Variants in NCOA2 observed in about 807,000 individuals in gnomAD.
NCOA2 encodes nuclear receptor coactivator 2.
A neutral mutation model predicts 145.1 loss-of-function variants in NCOA2; 21 were observed. The observed-to-expected ratio is 0.14, with a 90% CI of 0.10 to 0.21. The LOEUF (loss-of-function observed/expected upper bound fraction) is 0.21, where lower values mean the gene tolerates loss of function less well. Ranked by LOEUF, NCOA2 falls within the 10% of genes least tolerant of loss-of-function variation. The pLI is 1.00. For missense variants in NCOA2, 1,472 were observed against 1,837.6 expected, an observed-to-expected ratio of 0.80 and a Z score of 3.64; for synonymous variants, 619 against 637.5, an observed-to-expected ratio of 0.97 and a Z score of 0.44.
chr8:70,251,997 A>G (rs921640452), intron 2 of NCOA2, among the ~76,000 whole-genome samples: 2 of 152,240 alleles, frequency 1.3e-5, no homozygotes, highest in Non-Finnish European at 2.9e-5. Flanking sequence ...CTTATAACCT[A>G]CACACAGACT....
intron 1 of NCOA2, among the ~76,000 whole-genome samples, chr8:70,378,953 G>A (rs796152943): frequency 4.6e-5 from 7 of 152,132 alleles, no homozygotes; most frequent in African/African-American, 1.7e-4. Context: ...CTCCTAAGGG[G>A]CATGGCTGGG....
rs186689395 is a variant in NCOA2, at chr8:70,242,912, A to G, written c.-19-26148T>C. Among the ~76,000 whole-genome samples the G allele has an allele frequency of 3.9e-5, 6 of 152,174 alleles. No individual in the cohort carries two copies. The East Asian group carries it at 7.7e-4, about 20-fold the overall frequency. On this transcript the variant is annotated intron_variant, in intron 2 of 22. Coordinates refer to ENST00000452400, the MANE Select transcript of NCOA2 (RefSeq NM_006540.4). ...CCTGACAAGATCAGACCCGATTATA[A>G]TATTTGTGGTTAATTACTGTGGTTG... is the stretch of plus-strand genomic sequence containing the variant.
In NCOA2 at chr8:70,156,502, C is replaced by T; in HGVS notation, c.1863G>A (p.Val621=). ...TCTGCCCGTCAGCTCTCTCACTGCT[C>T]ACGGCCGGGGGCAGGTTGGGGTCAT... is the stretch of plus-strand genomic sequence containing the variant. ...ETNDPNLPPA[V]SSERADGQSR... is the part of the protein sequence containing the mutation. Residue 621 remains valine, a synonymous_variant, in exon 11 of 23, where the codon GTG becomes GTA. Coordinates refer to ENST00000452400, the MANE Select transcript of NCOA2 (RefSeq NM_006540.4). The T allele has an allele frequency of 6.2e-7, 1 of 1,613,894 alleles. No homozygotes were observed. The highest frequency in any genetic ancestry group is 8.5e-7 in the Non-Finnish European group (1 of 1,179,880).
At chr8:70,187,091 G>A (rs1050769766) in intron 4 of NCOA2, among the ~76,000 whole-genome samples, 3 of 152,122 alleles carry the variant, frequency 2.0e-5, no homozygotes, top group Non-Finnish European at 4.4e-5. Context: ...AGAATACAAG[G>A]ACTGGCATCA....
chr8:70,225,773 A>G (rs1199675826), intron 2 of NCOA2, among the ~76,000 whole-genome samples: 2 of 152,168 alleles, frequency 1.3e-5, no homozygotes, highest in Admixed American at 1.3e-4. Context: ...TCATATGAAA[A>G]GCGGTACAAT....
At chr8:70,113,668 G>C in intron 22 of NCOA2, 25 bp from the exon 23 acceptor site, 2 of 1,550,750 alleles carry the variant, frequency 1.3e-6, no homozygotes, top group Non-Finnish European at 1.7e-6. Context: ...ATAAAAAGTT[G>C]TGAAACATCT....
intron 4 of NCOA2, among the ~76,000 whole-genome samples, chr8:70,187,965 G>A (rs1816262543): frequency 6.6e-6 from 1 of 152,160 alleles, no homozygotes; most frequent in African/African-American, 2.4e-5. Flanking sequence ...GAAACAATAA[G>A]CTTAGCTTCA....
At chr8:70,172,257 A>G (rs1814338680) in intron 5 of NCOA2, among the ~76,000 whole-genome samples, 2 of 152,238 alleles carry the variant, frequency 1.3e-5, no homozygotes, top group South Asian at 4.1e-4. Context: ...CACTATGCCC[A>G]GCAAGTTTAT....
intron 14 of NCOA2, among the ~76,000 whole-genome samples, chr8:70,140,907 T>C (rs868569432): frequency 6.6e-6 from 1 of 152,084 alleles, no homozygotes; most frequent in East Asian, 1.9e-4. Flanking sequence ...TATTTCTTTA[T>C]TAATAGTGTG....
intron 4 of NCOA2, among the ~76,000 whole-genome samples, 178 bp from the exon 5 acceptor site, chr8:70,175,037 A>G (rs987941557): frequency 8.5e-5 from 13 of 152,276 alleles, no homozygotes; most frequent in African/African-American, 2.9e-4. Flanking sequence ...AGCAGAAGCC[A>G]GAACATTAAC....
chr8:70,269,037 A>AG (rs537654459), intron 2 of NCOA2, among the ~76,000 whole-genome samples: 2 of 152,122 alleles, frequency 1.3e-5, no homozygotes, highest in East Asian at 1.9e-4. Context: ...GGAAAAGTGA[A>AG]GGGGGGGAGG....
At chr8:70,419,966 T>G in the NCOA2 span, among the ~76,000 whole-genome samples, 1 of 152,224 alleles carries the variant, frequency 6.6e-6, no homozygotes, top group Non-Finnish European at 1.5e-5. Context: ...TTCCTTATTT[T>G]GGGAAAGCCT....
chr8:70,297,248 A>C (rs1827162322), intron 1 of NCOA2, among the ~76,000 whole-genome samples: 1 of 152,208 alleles, frequency 6.6e-6, no homozygotes, highest in Non-Finnish European at 1.5e-5. Context: ...TCCCATGCTA[A>C]TCTTAATTTA....
At chr8:70,116,094 G>A (rs1807082502) in intron 22 of NCOA2, among the ~76,000 whole-genome samples, 2 of 151,000 alleles carry the variant, frequency 1.3e-5, no homozygotes, top group Admixed American at 6.6e-5. Flanking sequence ...GGCTGAGGAA[G>A]GAGAATGGCA....
At chr8:70,429,028 CA>C in the NCOA2 span, among the ~76,000 whole-genome samples, 1 of 152,170 alleles carries the variant, frequency 6.6e-6, no homozygotes, top group Non-Finnish European at 1.5e-5. Flanking sequence ...CTCTGCATTT[CA>C]AAACCTTCAC....
At chr8:70,332,433 C>CT (rs1367337491) in intron 1 of NCOA2, among the ~76,000 whole-genome samples, 14 of 152,182 alleles carry the variant, frequency 9.2e-5, no homozygotes, top group Admixed American at 9.2e-4. Flanking sequence ...CTACGCTGCT[C>CT]TAAAACATTT....
chr8:70,197,836 GTT>G (rs34200791), intron 4 of NCOA2, among the ~76,000 whole-genome samples: 80 of 147,286 alleles, frequency 5.4e-4, no homozygotes, highest in Admixed American at 6.1e-4. Context: ...TTCTCTAAAA[GTT>G]TTTTTTTTTT....
chr8:70,316,084 T>C (rs1465422174), intron 1 of NCOA2, among the ~76,000 whole-genome samples: 1 of 151,786 alleles, frequency 6.6e-6, no homozygotes, highest in Non-Finnish European at 1.5e-5. Flanking sequence ...CTAGGGAGAG[T>C]CATCCGCACG....
intron 1 of NCOA2, among the ~76,000 whole-genome samples, chr8:70,343,164 T>C (rs566110647): frequency 1.4e-4 from 21 of 152,202 alleles, no homozygotes; most frequent in Non-Finnish European, 2.4e-4. Context: ...ACAAAGTCAA[T>C]AGTAGAACTG....
Sources: allele counts gnomAD v4.1 joint callset (sites outside exome capture counted in the v4.1 genomes callset), GRCh38; gene constraint gnomAD v4.1.1; transcripts MANE v1.5; gene names NCBI Gene and HGNC (gene_info 2026-07-23, HGNC 2026-07-21).